TLN2: variants seen among roughly 807,000 people sequenced by gnomAD.
The protein encoded by TLN2 is talin 2.
Under a neutral mutation model 294.7 loss-of-function variants are expected in TLN2, and 118 were observed. The ratio of observed to expected loss-of-function variants is 0.40; its 90% CI spans 0.34 to 0.47. The LOEUF is 0.47. Among genes scored for constraint, TLN2 ranks in the 20% least tolerant of loss-of-function variants. The pLI is 0.84. For missense variants in TLN2, 3,083 were observed against 3,282.2 expected, an observed-to-expected ratio of 0.94 and a Z score of 1.48; for synonymous variants, 1,431 against 1,304.5, an observed-to-expected ratio of 1.10 and a Z score of -2.09.
chr15:62,781,836 T>G (rs1226194111), intron 44 of TLN2, among the ~76,000 whole-genome samples: 1 of 152,210 alleles, frequency 6.6e-6, no homozygotes, highest in East Asian at 1.9e-4. Flanking sequence ...TTTTGTTTGT[T>G]TGTTTGTTTT....
At chr15:62,622,583 G>C (rs1307390455) in intron 3 of TLN2, among the ~76,000 whole-genome samples, 1 of 152,034 alleles carries the variant, frequency 6.6e-6, no homozygotes, top group Non-Finnish European at 1.5e-5. Context: ...TAATAATATG[G>C]ATTAAATAAT....
intron 9 of TLN2, among the ~76,000 whole-genome samples, chr15:62,668,575 G>A (rs977064057): frequency 3.9e-5 from 6 of 152,274 alleles, no homozygotes; most frequent in East Asian, 3.9e-4. Context: ...CACGTGGGAT[G>A]TTGTTTGCCT....
chr15:62,547,884 C>T lies in TLN2; in HGVS notation c.-237-41803C>T, dbSNP rs190096598. On this transcript the variant is annotated intron_variant, in intron 1 of 58. Transcript: ENST00000636159. ...GTTGCCTCTGAAATTGCTGTCTATC[C>T]TCTACATTGCTATGTGAATTAAGAA... 7.3e-3 allele frequency among the ~76,000 whole-genome samples: 1,092 copies of T among 148,836 alleles called. 9 individuals carry two copies. Among genetic ancestry groups the T allele is most frequent in the African/African-American group, 0.026 (997 of 38,234 alleles).
chr15:62,591,482 G>T (rs544091424), intron 2 of TLN2, among the ~76,000 whole-genome samples: 54 of 152,282 alleles, frequency 3.5e-4, no homozygotes, highest in African/African-American at 1.2e-3. Flanking sequence ...CATACAGAAG[G>T]GATTCTATTG....
intron 22 of TLN2, among the ~76,000 whole-genome samples, chr15:62,714,892 T>G (rs1408016451): frequency 6.6e-6 from 1 of 152,238 alleles, no homozygotes; most frequent in Non-Finnish European, 1.5e-5. Flanking sequence ...CAGTGTGAAG[T>G]GCAGAAGTGC....
chr15:62,766,513 C>G, intron 41 of TLN2, 91 bp downstream of exon 41: 1 of 1,266,802 alleles, frequency 7.9e-7, no homozygotes, highest in South Asian at 1.4e-5. Flanking sequence ...TCCCAAAAGC[C>G]TGTGGTGCAA....
At chr15:62,470,042 C>T (rs535814795) in intron 1 of TLN2, among the ~76,000 whole-genome samples, 10 of 152,268 alleles carry the variant, frequency 6.6e-5, no homozygotes, top group African/African-American at 2.2e-4. Flanking sequence ...TATAGGGAAA[C>T]CATTGCTAAG....
chr15:62,537,176 G>T (rs529641336), intron 1 of TLN2, among the ~76,000 whole-genome samples: 1 of 152,096 alleles, frequency 6.6e-6, no homozygotes, highest in South Asian at 2.1e-4. Flanking sequence ...CTGCCACCAC[G>T]CCCGGCTAAT....
chr15:62,613,606 T>C (rs915139503), intron 2 of TLN2, among the ~76,000 whole-genome samples: 6 of 152,162 alleles, frequency 3.9e-5, no homozygotes, highest in African/African-American at 1.4e-4. Flanking sequence ...AGCTACATCC[T>C]TGCAAAGACT....
chr15:62,511,092 C>A (rs1166968154), intron 1 of TLN2, among the ~76,000 whole-genome samples: 2 of 152,198 alleles, frequency 1.3e-5, no homozygotes, highest in Non-Finnish European at 2.9e-5. Flanking sequence ...TATGGAGTGA[C>A]CTCCAGACAT....
intron 1 of TLN2, among the ~76,000 whole-genome samples, chr15:62,573,779 T>TC (rs932977970): frequency 1.3e-5 from 2 of 151,300 alleles, no homozygotes; most frequent in Non-Finnish European, 3.0e-5. Flanking sequence ...CTTTTTCTTT[T>TC]TTTTTTTTTT....
At chr15:62,680,599 G>A (rs1288486743) in intron 11 of TLN2, among the ~76,000 whole-genome samples, 1 of 148,700 alleles carries the variant, frequency 6.7e-6, no homozygotes, top group African/African-American at 2.5e-5. Flanking sequence ...TTTTTCAATA[G>A]CTTTTGGGGT....
At chr15:62,657,297 T>TGC (rs1286835636) in intron 8 of TLN2, among the ~76,000 whole-genome samples, 1 of 152,192 alleles carries the variant, frequency 6.6e-6, no homozygotes, top group Non-Finnish European at 1.5e-5. Flanking sequence ...TGTGTGTGTG[T>TGC]GCCTATCGCC....
At chr15:62,436,920 G>T (rs536921184) in intron 1 of TLN2, among the ~76,000 whole-genome samples, 15 of 152,280 alleles carry the variant, frequency 9.9e-5, no homozygotes, top group African/African-American at 3.6e-4. Context: ...GTAGAGACAG[G>T]GACTAACTAT....
chr15:62,838,929 C>CTGATGA lies in TLN2; in HGVS notation c.7449_7454dup (p.Asp2486_Asp2487dup). 6.2e-7 allele frequency: 1 copy of CTGATGA among 1,613,724 alleles called. No individual in the cohort carries two copies. The highest frequency in any genetic ancestry group is 1.1e-5 in the South Asian group (1 of 91,086). On this transcript the variant is annotated inframe_insertion, in exon 58 of 59. Transcript: ENST00000636159. ...GCCCAGAAGGCAGCTTTTGGCAAAG[C>CTGATGA]TGATGACGACGATGTTGTAGTGAAA...
At chr15:62,471,527 G>C (rs1232762643) in intron 1 of TLN2, among the ~76,000 whole-genome samples, 1 of 152,162 alleles carries the variant, frequency 6.6e-6, no homozygotes, top group Non-Finnish European at 1.5e-5. Context: ...CTGCATCTTT[G>C]CATGGCCCTT....
Position 62,504,846 on chromosome 15 carries a change from TGAGAGAGA to T in TLN2, c.-237-84823_-237-84816del, listed in dbSNP as rs56056575. The stretch of plus-strand genomic sequence containing the variant: ...GTGTGTGTGTGTGTGTGTGTGTGTG[TGAGAGAGA>T]GAGAGAGAGAGAGAGAGGGAGACTC... On this transcript the variant is annotated intron_variant, in intron 1 of 58. Coordinates refer to ENST00000636159, the MANE Select transcript of TLN2 (RefSeq NM_015059.3). Among the ~76,000 whole-genome samples the T allele has an allele frequency of 8.7e-4, 125 of 144,480 alleles. 1 individual carries two copies. Among genetic ancestry groups the T allele is most frequent in the African/African-American group, 1.1e-3 (43 of 38,118 alleles). The allele number at this position is 144,480 out of a possible 152,430, so 94.8% of individuals were successfully genotyped here.
intron 28 of TLN2, chr15:62,734,229 T>C (rs2060882784): frequency 6.6e-6 from 1 of 152,210 alleles, no homozygotes; most frequent in Non-Finnish European, 1.5e-5. Context: ...ACATGTCTTT[T>C]CTAATTACAT....
At chr15:62,474,413 T>C (rs1054096494) in intron 1 of TLN2, among the ~76,000 whole-genome samples, 1 of 151,846 alleles carries the variant, frequency 6.6e-6, no homozygotes, top group African/African-American at 2.4e-5. Flanking sequence ...GAGGCTGAGG[T>C]GAGAGGATTG....
Sources: gnomAD v4.1 joint callset for allele counts (sites outside exome capture counted in the v4.1 genomes callset) on GRCh38, gnomAD v4.1.1 for gene constraint, MANE v1.5 for transcripts, NCBI Gene and HGNC (gene_info 2026-07-23, HGNC 2026-07-21) for gene names.